ZNF141: variants seen among roughly 807,000 people sequenced by gnomAD.
ZNF141 encodes the protein zinc finger protein 141 (clone pHZ-44).
Under a neutral mutation model 11.3 loss-of-function variants are expected in ZNF141, and 7 were observed. That is an observed-to-expected ratio of 0.62 (90% CI 0.35 to 1.16). ZNF141 has a LOEUF of 1.16. ZNF141 is among the 50% of genes most tolerant of loss of function. The pLI, the probability that ZNF141 is intolerant of heterozygous loss-of-function variation, is 0.02. For missense variants in ZNF141, 535 were observed against 554.0 expected (o/e 0.97, Z 0.34); for synonymous variants, 183 against 190.7 (o/e 0.96, Z 0.33).
Position 384,257 on chromosome 4 carries a change from G to T in ZNF141, c.*10395G>T, listed in dbSNP as rs1449804977. ...ACTCTGGAGGGCAAGGCTGTGAGGA[G>T]ATCTGAAGACATGGTGCTCTCTCTT... On this transcript the variant is annotated 3_prime_UTR_variant, in exon 4 of 4. Coordinates refer to ENST00000240499, the MANE Select transcript of ZNF141 (RefSeq NM_003441.4). The T allele has an allele frequency of 6.6e-6, 1 of 152,214 alleles. No individual in the cohort carries two copies. The highest frequency in any genetic ancestry group is 1.5e-5 in the Non-Finnish European group (1 of 68,048). 9.4% of individuals were successfully genotyped at this position (152,214 alleles called of 1,614,324 possible). A position where few individuals can be genotyped will look rare whatever the true frequency, so the allele number is the denominator to read the frequency against.
At chr4:347,329 G>T (rs1476449082) in intron 3 of ZNF141, among the ~76,000 whole-genome samples, 1 of 143,404 alleles carries the variant, frequency 7.0e-6, no homozygotes, top group African/African-American at 2.6e-5. Context: ...GAGACACCAC[G>T]CCCGGCCAAG....
Position 373,005 on chromosome 4 carries a change from A to G in ZNF141, c.568A>G (p.Lys190Glu), listed in dbSNP as rs1300758470. 3.1e-6 allele frequency: 5 copies of G among 1,613,966 alleles called. No homozygotes were observed. The highest frequency in any genetic ancestry group is 1.7e-5 in the Admixed American group (1 of 59,998). ...GAAGTTTTCACACCTAACTCAACAT[A>G]AGGTAATTCATGCTGGAGAGAAACC... The part of the protein sequence containing the change: ...FQKFSHLTQH[K>E]VIHAGEKPYT... Residue 190 changes from lysine to glutamate, a missense_variant, in exon 4 of 4, where the codon AAG (lysine) becomes GAG (glutamate). Coordinates refer to ENST00000240499, the MANE Select transcript of ZNF141 (RefSeq NM_003441.4).
intron 3 of ZNF141, among the ~76,000 whole-genome samples, chr4:347,572 C>G (rs112609182): frequency 0.21 from 31,451 of 151,770 alleles, 4,724 homozygotes; most frequent in African/African-American, 0.42. Context: ...GTCTCCTGAT[C>G]TCATGATCCG....
intron 1 of ZNF141, among the ~76,000 whole-genome samples, chr4:338,954 C>G (rs557064940): frequency 5.5e-4 from 84 of 152,380 alleles, no homozygotes; most frequent in African/African-American, 1.8e-3. Flanking sequence ...CTGCTGCGCA[C>G]TGTTCTGTTC....
chr4:341,365 T>C lies in ZNF141; in HGVS notation c.4-2417T>C, dbSNP rs563758550. 3.9e-5 allele frequency among the ~76,000 whole-genome samples: 6 copies of C among 152,258 alleles called. No individual in the cohort carries two copies. The South Asian group carries it at 1.2e-3, about 32-fold the overall frequency. Reference sequence around the variant, plus strand: ...CGTGAGCCACCGTGCCCAGCCTGTTTTGTGAGTTTTGATGCCATTATGTGA... The same window carrying C: ...CGTGAGCCACCGTGCCCAGCCTGTTCTGTGAGTTTTGATGCCATTATGTGA... On this transcript the variant is annotated intron_variant, in intron 1 of 3. Transcript: ENST00000240499.
At chr4:348,313 G>A (rs1721435060) in intron 3 of ZNF141, among the ~76,000 whole-genome samples, 1 of 152,120 alleles carries the variant, frequency 6.6e-6, no homozygotes, top group Non-Finnish European at 1.5e-5. Flanking sequence ...TTCAAAAAAA[G>A]TTATTGCCGA....
intron 3 of ZNF141, among the ~76,000 whole-genome samples, chr4:367,519 C>CTTTTTTTT (rs782804343): frequency 7.1e-6 from 1 of 141,006 alleles, no homozygotes; most frequent in Non-Finnish European, 1.5e-5. Flanking sequence ...ACTTTACAAT[C>CTTTTTTTT]TTTTTTTTTT....
In ZNF141 at chr4:381,839, A is replaced by G. The variant is rs1712633460; in HGVS notation, c.*7977A>G. On this transcript the variant is annotated 3_prime_UTR_variant, in exon 4 of 4. Coordinates refer to ENST00000240499, the MANE Select transcript of ZNF141 (RefSeq NM_003441.4). ...AGTCCAGCCTATCCACCTACCACAG[A>G]AAGTAGCTGTAGTTCATTGCTGGGG... Among the ~76,000 whole-genome samples, 1 of 152,072 alleles carries G rather than the reference A, an allele frequency of 6.6e-6. No individual in the cohort carries two copies. Among genetic ancestry groups the G allele is most frequent in the African/African-American group, 2.4e-5 (1 of 41,390 alleles).
At chr4:362,522 T>G (rs1711542352) in intron 3 of ZNF141, among the ~76,000 whole-genome samples, 1 of 152,248 alleles carries the variant, frequency 6.6e-6, no homozygotes, top group African/African-American at 2.4e-5. Context: ...GTCTAACATT[T>G]AAGTCTTTAA....
In ZNF141 at chr4:370,552, CTT is replaced by C. The variant is rs1396175395; in HGVS notation, c.227-2111_227-2110del. Among the ~76,000 whole-genome samples, 4 of 152,130 alleles carry C rather than the reference CTT, an allele frequency of 2.6e-5. No individual in the cohort carries two copies. The East Asian group carries it at 5.8e-4, about 22-fold the overall frequency. On this transcript the variant is annotated intron_variant, in intron 3 of 3. Transcript: ENST00000240499. ...CACGTTAACTATATCGCAACTTTCT[CTT>C]GTCTGAAAAAATGTTGACAGATTCA...
chr4:362,809 C>T (rs563378537), intron 3 of ZNF141, among the ~76,000 whole-genome samples: 4 of 152,252 alleles, frequency 2.6e-5, no homozygotes, highest in Non-Finnish European at 5.9e-5. Context: ...AGTCAGGTAG[C>T]GTGATGCCTC....
At position 382,554 on chromosome 4, in the gene ZNF141, A is replaced by G. The variant is rs1210320099; in HGVS notation, c.*8692A>G. 2.0e-5 allele frequency: 3 copies of G among 152,266 alleles called. No individual in the cohort carries two copies. Among genetic ancestry groups the G allele is most frequent in the African/African-American group, 7.2e-5 (3 of 41,468 alleles). The allele number at this position is 152,266 out of a possible 1,614,324, so 9.4% of individuals were successfully genotyped here. ...TTTCAAATTTCTCCTATGATAAATT[A>G]AAAATGTAATGTTGGGCATTAATTT... is the stretch of plus-strand genomic sequence containing the variant. On this transcript the variant is annotated 3_prime_UTR_variant, in exon 4 of 4. Coordinates refer to ENST00000240499, the MANE Select transcript of ZNF141 (RefSeq NM_003441.4).
chr4:368,182 T>C (rs1553853135), intron 3 of ZNF141, among the ~76,000 whole-genome samples: 1 of 152,204 alleles, frequency 6.6e-6, no homozygotes, highest in African/African-American at 2.4e-5. Flanking sequence ...CATTTATCTT[T>C]ATTATACATA....
At chr4:364,816 A>T (rs1406946944) in intron 3 of ZNF141, among the ~76,000 whole-genome samples, 1 of 152,194 alleles carries the variant, frequency 6.6e-6, no homozygotes, top group Non-Finnish European at 1.5e-5. Context: ...CAGTCTGCCC[A>T]TTCTCAGATC....
chr4:372,683 C>A lies in ZNF141; in HGVS notation c.246C>A (p.Thr82=). The change falls in exon 4 of 4, where the codon ACC becomes ACA. Residue 82 remains threonine (T), a synonymous_variant. Coordinates refer to ENST00000240499, the MANE Select transcript of ZNF141 (RefSeq NM_003441.4). ...ARPPAMCSHF[T]QDHWPVQGIE... The stretch of plus-strand genomic sequence containing the variant: ...TTTCAGCTATGTGTTCTCATTTCAC[C>A]CAAGACCATTGGCCAGTGCAGGGCA... 6.5e-7 allele frequency: 1 copy of A among 1,540,228 alleles called. No homozygotes were observed. Among genetic ancestry groups the A allele is most frequent in the Non-Finnish European group, 8.8e-7 (1 of 1,142,654 alleles).
At position 373,761 on chromosome 4, in the gene ZNF141, A is replaced by G; in HGVS notation, c.1324A>G (p.Lys442Glu). 8 of 1,614,198 alleles carry G rather than the reference A, an allele frequency of 5.0e-6. No individual in the cohort carries two copies. The highest frequency in any genetic ancestry group is 6.8e-6 in the Non-Finnish European group (8 of 1,180,002). The change falls in exon 4 of 4, where the codon AAG becomes GAG. Residue 442 changes from lysine to glutamate, a missense_variant. By Grantham distance (56) the Lys-to-Glu change is moderately conservative. Coordinates refer to ENST00000240499, the MANE Select transcript of ZNF141 (RefSeq NM_003441.4). ...FKQFSLLSQHKKIHTVDKPYK... is the reference protein window; with the variant it reads ...FKQFSLLSQHEKIHTVDKPYK... ...ACAATTTTCGCTCCTGAGTCAACAT[A>G]AGAAAATTCATACTGTAGATAAACC...
chr4:354,486 C>CT (rs1721757152), intron 3 of ZNF141, among the ~76,000 whole-genome samples: 1 of 152,118 alleles, frequency 6.6e-6, no homozygotes, highest in South Asian at 2.1e-4. Context: ...TTCTTAAAAC[C>CT]TTTGATTTAG....
At chr4:355,984 G>T (rs1241287972) in intron 3 of ZNF141, among the ~76,000 whole-genome samples, 1 of 152,048 alleles carries the variant, frequency 6.6e-6, no homozygotes, top group Non-Finnish European at 1.5e-5. Context: ...TGTAATCCCG[G>T]CACTTTGGGA....
chr4:363,843 T>G (rs1173696722), intron 3 of ZNF141, among the ~76,000 whole-genome samples: 1 of 152,184 alleles, frequency 6.6e-6, no homozygotes, highest in Non-Finnish European at 1.5e-5. Flanking sequence ...TAAATAGCTC[T>G]TATTATTTTG....
Sources: gnomAD v4.1 joint callset for allele counts (sites outside exome capture counted in the v4.1 genomes callset) on GRCh38, gnomAD v4.1.1 for gene constraint, MANE v1.5 for transcripts, NCBI Gene and HGNC (gene_info 2026-07-23, HGNC 2026-07-21) for gene names.